Variants in DLGAP1 observed in about 807,000 individuals in gnomAD.
The protein encoded by DLGAP1 is disks large-associated protein 1.
Under a neutral mutation model 90.8 loss-of-function variants are expected in DLGAP1, and 11 were observed. That is an observed-to-expected ratio of 0.12 (90% CI 0.08 to 0.20). DLGAP1 has a LOEUF of 0.20. Among genes scored for constraint, DLGAP1 ranks in the 10% least tolerant of loss-of-function variants. The probability of loss-of-function intolerance (pLI) is 1.00; values close to 1 mark genes in which losing one functional copy is unlikely to be tolerated. For missense variants in DLGAP1, 1,050 were observed against 1,333.8 expected (o/e 0.79, Z 3.31); for synonymous variants, 558 against 540.7 (o/e 1.03, Z -0.44).
intron 5 of DLGAP1, among the ~76,000 whole-genome samples, chr18:3,780,823 C>T (rs1417652219): frequency 1.3e-5 from 2 of 151,996 alleles, no homozygotes; most frequent in Non-Finnish European, 2.9e-5. Context: ...TTTTTAGAGA[C>T]AGGGTCATGC....
At chr18:3,630,033 G>A (rs1286812349) in intron 7 of DLGAP1, among the ~76,000 whole-genome samples, 2 of 152,116 alleles carry the variant, frequency 1.3e-5, no homozygotes, top group African/African-American at 4.8e-5. Flanking sequence ...AAGTTGTAAT[G>A]GTTAATTTTA....
chr18:3,772,393 T>TCTCC (rs2064706137), intron 5 of DLGAP1, among the ~76,000 whole-genome samples: 1 of 30,996 alleles, frequency 3.2e-5, no homozygotes, highest in African/African-American at 8.4e-5. Context: ...TCTTTCTTTC[T>TCTCC]TTCTTTCTTT....
chr18:4,269,209 A>G (rs2079199827), intron 1 of DLGAP1, among the ~76,000 whole-genome samples: 1 of 151,314 alleles, frequency 6.6e-6, no homozygotes, highest in South Asian at 2.1e-4. Flanking sequence ...ATCTTTCCAT[A>G]TATCTACTTA....
At chr18:4,085,206 C>A (rs1431387424) in intron 2 of DLGAP1, among the ~76,000 whole-genome samples, 1 of 152,092 alleles carries the variant, frequency 6.6e-6, no homozygotes, top group South Asian at 2.1e-4. Context: ...AATTGTCAGC[C>A]TTTTTAAAAA....
At chr18:3,614,852 G>GAA (rs397967909) in intron 7 of DLGAP1, among the ~76,000 whole-genome samples, 10,601 of 138,050 alleles carry the variant, frequency 0.077, 440 homozygotes, top group African/African-American at 0.092. Flanking sequence ...TCTGTCTCAA[G>GAA]AAAAAAAAAA....
chr18:4,092,316 C>T (rs147662381), intron 2 of DLGAP1, among the ~76,000 whole-genome samples: 1,649 of 152,252 alleles, frequency 0.011, 13 homozygotes, highest in Admixed American at 0.019. Context: ...AGTGGAGCAG[C>T]GAAGAGGTTT....
At chr18:4,447,188 T>C (rs1224116999) in intron 1 of DLGAP1, among the ~76,000 whole-genome samples, 1 of 152,186 alleles carries the variant, frequency 6.6e-6, no homozygotes, top group Non-Finnish European at 1.5e-5. Context: ...TCCCCTTTGT[T>C]AGCACAAGGT....
intron 1 of DLGAP1, among the ~76,000 whole-genome samples, chr18:4,337,108 C>G (rs1367523977): frequency 7.4e-6 from 1 of 135,374 alleles, no homozygotes; most frequent in African/African-American, 2.7e-5. Flanking sequence ...AGTGAGACTC[C>G]ATCTTAAAAA....
In DLGAP1 at chr18:4,277,569, A is replaced by AT. The variant is rs552867733; in HGVS notation, c.-266-126283dup. On this transcript the variant is annotated intron_variant, in intron 1 of 12. Coordinates refer to ENST00000315677, the MANE Select transcript of DLGAP1 (RefSeq NM_004746.4). ...TAGAATGTTGTGGGTTTATTTATTT[A>AT]TTTTTTATTTTAAAAGGAAACTTTA... Among the ~76,000 whole-genome samples, 27 of 152,218 alleles carry AT rather than the reference A, an allele frequency of 1.8e-4. No homozygotes were observed. In the South Asian group the frequency reaches 5.6e-3, roughly 32 times the overall value.
At position 4,354,887 on chromosome 18, in the gene DLGAP1, C is replaced by CAAAAAAAAAAAAAAAAAAAAAA. The variant is rs60379984; in HGVS notation, c.-267+100097_-267+100118dup. 1.7e-4 allele frequency among the ~76,000 whole-genome samples: 4 copies of CAAAAAAAAAAAAAAAAAAAAAA among 23,874 alleles called. 1 individual carries two copies. The highest frequency in any genetic ancestry group is 2.2e-4 in the African/African-American group (2 of 8,960). The allele number at this position is 23,874 out of a possible 152,430, so 15.7% of individuals were successfully genotyped here. A position where few individuals can be genotyped will look rare whatever the true frequency, so the allele number is the denominator to read the frequency against. ...TGGCTTTTTCTGCAATTACTCTCAC[C>CAAAAAAAAAAAAAAAAAAAAAA]AAAAAAAAAAAAAAAAAAAAAAAAA... On this transcript the variant is annotated intron_variant, in intron 1 of 12. Coordinates refer to ENST00000315677, the MANE Select transcript of DLGAP1 (RefSeq NM_004746.4).
intron 1 of DLGAP1, among the ~76,000 whole-genome samples, chr18:4,235,660 T>G (rs2078393036): frequency 6.6e-6 from 1 of 150,588 alleles, no homozygotes; most frequent in Non-Finnish European, 1.5e-5. Context: ...AAATAAAAGA[T>G]AAACCCAAGT....
intron 9 of DLGAP1, among the ~76,000 whole-genome samples, chr18:3,543,166 A>ATTTTTTTTTTTTTTTTTTT (rs76751283): frequency 4.7e-5 from 3 of 64,154 alleles, no homozygotes; most frequent in African/African-American, 1.2e-4. Flanking sequence ...CATGACTCCA[A>ATTTTTTTTTTTTTTTTTTT]TTTTTTTTTT....
chr18:3,917,876 G>A (rs915558434), intron 3 of DLGAP1, among the ~76,000 whole-genome samples: 2 of 152,024 alleles, frequency 1.3e-5, no homozygotes, highest in Admixed American at 6.6e-5. Flanking sequence ...AAATAAGCAC[G>A]TTTTTCTTTA....
chr18:3,803,815 G>A (rs865918496), intron 5 of DLGAP1, among the ~76,000 whole-genome samples: 3 of 152,004 alleles, frequency 2.0e-5, no homozygotes, highest in Non-Finnish European at 2.9e-5. Context: ...TTCTGACACC[G>A]TTGGGAGGAT....
chr18:3,907,983 A>C (rs1335691293), intron 3 of DLGAP1, among the ~76,000 whole-genome samples: 1 of 152,246 alleles, frequency 6.6e-6, no homozygotes, highest in Admixed American at 6.5e-5. Flanking sequence ...CTTAAGAGCT[A>C]GGTCTAACTT....
chr18:4,222,926 A>C (rs889810872), intron 1 of DLGAP1, among the ~76,000 whole-genome samples: 2 of 152,130 alleles, frequency 1.3e-5, no homozygotes, highest in Non-Finnish European at 2.9e-5. Context: ...AATGACCATA[A>C]ACAGAAAAGA....
intron 2 of DLGAP1, among the ~76,000 whole-genome samples, chr18:4,061,499 C>G (rs2075298363): frequency 6.6e-6 from 1 of 152,090 alleles, no homozygotes; most frequent in African/African-American, 2.4e-5. Context: ...CTGTTCTGCT[C>G]TTTAACAGAA....
intron 7 of DLGAP1, among the ~76,000 whole-genome samples, chr18:3,624,899 C>T (rs914144700): frequency 5.3e-5 from 8 of 152,160 alleles, no homozygotes; most frequent in African/African-American, 7.2e-5. Context: ...ACTCACTGAA[C>T]GCTCTTCCTG....
intron 1 of DLGAP1, among the ~76,000 whole-genome samples, chr18:4,408,024 G>T (rs1343734124): frequency 6.6e-6 from 1 of 152,142 alleles, no homozygotes; most frequent in East Asian, 1.9e-4. Context: ...TTAGAGTTGA[G>T]TAAGATCATA....
Sources: allele counts gnomAD v4.1 joint callset (sites outside exome capture counted in the v4.1 genomes callset), GRCh38; gene constraint gnomAD v4.1.1; transcripts MANE v1.5; gene names NCBI Gene and HGNC (gene_info 2026-07-23, HGNC 2026-07-21).